The following RIMS1 variants were observed in gnomAD, a reference collection of about 807,000 sequenced individuals.
RIMS1 encodes regulating synaptic membrane exocytosis protein 1.
A neutral mutation model predicts 214.1 loss-of-function variants in RIMS1; 83 were observed. The observed-to-expected ratio is 0.39, with a 90% CI of 0.32 to 0.47. The LOEUF is 0.47. Ranked by LOEUF, RIMS1 falls within the 20% of genes least tolerant of loss-of-function variation. The probability of loss-of-function intolerance (pLI) is 0.99; values close to 1 mark genes in which losing one functional copy is unlikely to be tolerated. For missense variants in RIMS1, 2,050 were observed against 2,161.8 expected (o/e 0.95, Z 1.03); for synonymous variants, 793 against 786.8 (o/e 1.01, Z -0.13).
chr6:72,166,339 A>G (rs1393166080), intron 4 of RIMS1, among the ~76,000 whole-genome samples: 1 of 150,144 alleles, frequency 6.7e-6, no homozygotes, highest in Non-Finnish European at 1.5e-5. Context: ...CTATTGAGCT[A>G]GGCCTACACC....
intron 9 of RIMS1, among the ~76,000 whole-genome samples, chr6:72,241,320 A>G (rs2066813214): frequency 1.3e-5 from 2 of 152,244 alleles, no homozygotes; most frequent in African/African-American, 4.8e-5. Flanking sequence ...AAGCATGAGC[A>G]TCAACAAATT....
chr6:72,205,390 A>G (rs536531203), intron 6 of RIMS1, among the ~76,000 whole-genome samples: 1 of 152,310 alleles, frequency 6.6e-6, no homozygotes, highest in South Asian at 2.1e-4. Flanking sequence ...ATCCCCAGAA[A>G]GAATAAGAGC....
intron 2 of RIMS1, among the ~76,000 whole-genome samples, chr6:72,019,626 CTT>C (rs1007818037): frequency 1.8e-4 from 28 of 152,212 alleles, no homozygotes; most frequent in African/African-American, 6.7e-4. Flanking sequence ...TGGCTGTAGA[CTT>C]AACATTCTGG....
intron 29 of RIMS1, among the ~76,000 whole-genome samples, chr6:72,384,498 A>G (rs1196703052): frequency 2.0e-5 from 3 of 152,006 alleles, no homozygotes; most frequent in African/African-American, 7.3e-5. Context: ...TTATTTTTTT[A>G]GTTCTTGACA....
intron 9 of RIMS1, among the ~76,000 whole-genome samples, chr6:72,240,902 G>A (rs2066591539): frequency 6.6e-6 from 1 of 151,976 alleles, no homozygotes; most frequent in Non-Finnish European, 1.5e-5. Context: ...TGTAATCCTA[G>A]CTACTCAGGA....
rs117739314 is a variant in RIMS1 at position 72,209,008 on chromosome 6, C to G, written c.1679-24765C>G. 2.4e-3 allele frequency among the ~76,000 whole-genome samples: 358 copies of G among 152,266 alleles called. 1 individual carries two copies. The highest frequency in any genetic ancestry group is 0.02 in the Middle Eastern group (6 of 294). ...ACATCACAAATCAAAGCAAATGATA[C>G]AGACCAGTTCTCATTGAAGATCTCT... On this transcript the variant is annotated intron_variant, in intron 6 of 33. Transcript: ENST00000521978.
At chr6:72,326,832 C>G (rs918160939) in intron 28 of RIMS1, among the ~76,000 whole-genome samples, 1 of 151,572 alleles carries the variant, frequency 6.6e-6, no homozygotes, top group Non-Finnish European at 1.5e-5. Context: ...ATCCAGTGGG[C>G]CCAGTGTAGT....
At chr6:72,252,880 G>T in intron 16 of RIMS1, 48 bp downstream of exon 16, 1 of 1,426,598 alleles carries the variant, frequency 7.0e-7, no homozygotes, top group South Asian at 1.2e-5. Flanking sequence ...TGCTTTGCTT[G>T]TTTTCTCTGT....
intron 6 of RIMS1, among the ~76,000 whole-genome samples, chr6:72,185,444 G>T (rs185569409): frequency 1.3e-5 from 2 of 152,156 alleles, no homozygotes; most frequent in South Asian, 4.1e-4. Context: ...AAGGTGTGGG[G>T]TGAAAGGGTT....
chr6:72,195,042 A>T (rs944602374), intron 6 of RIMS1, among the ~76,000 whole-genome samples: 4 of 152,146 alleles, frequency 2.6e-5, no homozygotes, highest in African/African-American at 4.8e-5. Context: ...CATACTGAAG[A>T]TTCGTGCCTG....
In RIMS1 at chr6:71,919,401, G is replaced by A. The variant is rs546202078; in HGVS notation, c.164+32214G>A. Among the ~76,000 whole-genome samples, 6 of 151,884 alleles carry A rather than the reference G, an allele frequency of 4.0e-5. No individual in the cohort carries two copies. In the East Asian group the frequency reaches 5.8e-4, roughly 15 times the overall value. On this transcript the variant is annotated intron_variant, in intron 1 of 33. Transcript: ENST00000521978. Reference sequence around the variant, plus strand: ...TATAATAAATATAAACAGAGGACACGGGAAGGAAAAAAAAACAATTATGGG... The same window carrying A: ...TATAATAAATATAAACAGAGGACACAGGAAGGAAAAAAAAACAATTATGGG...
In RIMS1 at chr6:72,392,805, C is replaced by T; in HGVS notation, c.4613C>T (p.Ala1538Val). The change falls in exon 31 of 34, where the codon GCA (alanine) becomes GTA (valine). Residue 1538 changes from alanine (A) to valine (V), a missense_variant. By Grantham distance (64) the Ala-to-Val change is moderately conservative. Around this residue, in one of 6 missense-constraint regions of RIMS1, gnomAD observed 121 missense variants for 187.3 expected, o/e 0.65. Transcript: ENST00000521978. ...GGCCGCCAAACCCTTGCCACCCCTG[C>T]AATGGGTAAGAATCATTTTTTTTTT... ...LVGRQTLATP[A>V]MGDIQIGMED... The T allele has an allele frequency of 6.3e-7, 1 of 1,597,126 alleles. No homozygotes were observed.
At chr6:72,378,071 C>T (rs907323247) in intron 29 of RIMS1, among the ~76,000 whole-genome samples, 6 of 152,232 alleles carry the variant, frequency 3.9e-5, no homozygotes, top group Non-Finnish European at 8.8e-5. Flanking sequence ...AGTCCCCCAA[C>T]AGGAAACTGC....
At chr6:72,073,688 G>T (rs1831105402) in intron 2 of RIMS1, among the ~76,000 whole-genome samples, 1 of 152,156 alleles carries the variant, frequency 6.6e-6, no homozygotes, top group Non-Finnish European at 1.5e-5. Context: ...TGGCTTTTCT[G>T]GTCAATCAAA....
At chr6:72,274,482 G>A in intron 23 of RIMS1, 50 bp downstream of exon 23, 2 of 1,363,016 alleles carry the variant, frequency 1.5e-6, no homozygotes, top group Non-Finnish European at 2.1e-6. Flanking sequence ...AAGCTTATAG[G>A]CCACCAACTG....
intron 13 of RIMS1, 25 bp downstream of exon 13, chr6:72,250,485 A>T (rs779217181): frequency 6.1e-6 from 9 of 1,466,980 alleles, no homozygotes; most frequent in Non-Finnish European, 8.3e-6. Context: ...TAGAAAAAAA[A>T]AATCTTAAAA....
intron 28 of RIMS1, among the ~76,000 whole-genome samples, chr6:72,315,690 T>TACAC (rs367774407): frequency 2.7e-5 from 4 of 149,868 alleles, no homozygotes; most frequent in Non-Finnish European, 4.5e-5. Flanking sequence ...CATGCAGCAG[T>TACAC]ACACACACAC....
At chr6:72,240,388 TA>T (rs1429836466) in intron 9 of RIMS1, among the ~76,000 whole-genome samples, 1 of 151,922 alleles carries the variant, frequency 6.6e-6, no homozygotes, top group East Asian at 1.9e-4. Context: ...TCTACCACTT[TA>T]AAAAATTGAA....
At chr6:72,263,836 CACACA>C in intron 19 of RIMS1, 15 of 415,414 alleles carry the variant, frequency 3.6e-5, no homozygotes, top group Non-Finnish European at 4.8e-5. Context: ...CACACACACA[CACACA>C]AATTAGGTGG....
Sources: gnomAD v4.1 joint callset for allele counts (sites outside exome capture counted in the v4.1 genomes callset) on GRCh38, gnomAD v4.1.1 for gene constraint, gnomAD v4.1.1 regional missense constraint, MANE v1.5 for transcripts, NCBI Gene and HGNC (gene_info 2026-07-23, HGNC 2026-07-21) for gene names.